The following DISC1 variants were observed in gnomAD, a reference collection of about 807,000 sequenced individuals.
DISC1 encodes disrupted in schizophrenia 1 protein.
Under a neutral mutation model 84.5 loss-of-function variants are expected in DISC1, and 57 were observed. The ratio of observed to expected loss-of-function variants is 0.67; its 90% CI spans 0.55 to 0.84. The LOEUF (loss-of-function observed/expected upper bound fraction) is 0.84, where lower values mean the gene tolerates loss of function less well. DISC1 is among the 40% of genes least tolerant of loss of function. DISC1 has a pLI of 0.00. For synonymous variants in DISC1, 411 were observed against 415.2 expected (o/e 0.99, Z 0.12); for missense variants, 1,000 against 1,057.8 (o/e 0.95, Z 0.76).
Position 231,693,890 on chromosome 1 carries a change from C to G in DISC1, c.132C>G (p.Gly44=). The change falls in exon 2 of 13, where the codon GGC becomes GGG. Residue 44 remains glycine, a synonymous_variant. Transcript: ENST00000439617. ...FRRRRLARRP[G]YMRSSTGPGI... ...GGCGGCGGCTGGCACGGAGGCCGGG[C>G]TACATGAGAAGCTCGACAGGGCCTG... 1 of 1,614,170 alleles carries G rather than the reference C, an allele frequency of 6.2e-7. No individual in the cohort carries two copies. The highest frequency in any genetic ancestry group is 8.5e-7 in the Non-Finnish European group (1 of 1,180,016).
At chr1:231,742,571 G>A (rs377227060) in intron 3 of DISC1, among the ~76,000 whole-genome samples, 2 of 152,212 alleles carry the variant, frequency 1.3e-5, no homozygotes, top group African/African-American at 4.8e-5. Context: ...CCAGGAGTTT[G>A]TGATCAGCCT....
intron 11 of DISC1, among the ~76,000 whole-genome samples, chr1:232,011,226 A>G (rs1667992552): frequency 6.6e-6 from 1 of 152,140 alleles, no homozygotes; most frequent in Non-Finnish European, 1.5e-5. Flanking sequence ...ATATTTGTTG[A>G]AAAATAGGAA....
intron 9 of DISC1, among the ~76,000 whole-genome samples, chr1:231,888,738 CAAAAAAAAA>C (rs34003319): frequency 0.03 from 1,605 of 54,084 alleles, 22 homozygotes; most frequent in Middle Eastern, 0.096. Context: ...GCTCTGTCTC[CAAAAAAAAA>C]AAAAAAAAAA....
Position 231,950,865 on chromosome 1 carries a change from C to T in DISC1, c.1982-7963C>T, listed in dbSNP as rs570531010. Among the ~76,000 whole-genome samples, 15 of 152,286 alleles carry T rather than the reference C, an allele frequency of 9.8e-5. No homozygotes were observed. The South Asian group carries it at 1.7e-3, about 17-fold the overall frequency. Reference sequence around the variant, plus strand: ...TCCTTCATCCTGCCCACTCTCCCTTCCTGTCTAAGCAAGGAGCTGTGTCTA... The same window carrying T: ...TCCTTCATCCTGCCCACTCTCCCTTTCTGTCTAAGCAAGGAGCTGTGTCTA... On this transcript the variant is annotated intron_variant, in intron 9 of 12. Transcript: ENST00000439617.
At chr1:231,744,733 A>C (rs2073771256) in intron 3 of DISC1, among the ~76,000 whole-genome samples, 1 of 152,228 alleles carries the variant, frequency 6.6e-6, no homozygotes, top group Non-Finnish European at 1.5e-5. Context: ...GATCAGTCTT[A>C]CCTGCATTTT....
intron 11 of DISC1, among the ~76,000 whole-genome samples, chr1:232,011,055 C>G (rs1382644805): frequency 6.6e-6 from 1 of 152,144 alleles, no homozygotes; most frequent in Non-Finnish European, 1.5e-5. Flanking sequence ...CCCCATCACT[C>G]TCTCCCTCCC....
chr1:231,927,815 C>A (rs888937967), intron 9 of DISC1, among the ~76,000 whole-genome samples: 1 of 152,200 alleles, frequency 6.6e-6, no homozygotes, highest in Non-Finnish European at 1.5e-5. Context: ...TTGATCAGGA[C>A]CTTTTCGGAG....
chr1:231,851,782 C>T (rs916104265), intron 9 of DISC1, among the ~76,000 whole-genome samples: 8 of 152,118 alleles, frequency 5.3e-5, no homozygotes, highest in East Asian at 1.9e-4. Flanking sequence ...CATGGGCCGG[C>T]GGAAGAATGA....
At chr1:231,748,062 A>T (rs1220155651) in intron 3 of DISC1, among the ~76,000 whole-genome samples, 1 of 152,146 alleles carries the variant, frequency 6.6e-6, no homozygotes, top group Non-Finnish European at 1.5e-5. Flanking sequence ...TAGAAATGCC[A>T]CTGGTTTTTG....
At chr1:231,753,770 T>A (rs1223044249) in intron 4 of DISC1, among the ~76,000 whole-genome samples, 1 of 152,224 alleles carries the variant, frequency 6.6e-6, no homozygotes, top group African/African-American at 2.4e-5. Flanking sequence ...AAACTTTAGG[T>A]CATTTATTTG....
At chr1:231,814,480 C>T (rs2080687671) in intron 8 of DISC1, among the ~76,000 whole-genome samples, 1 of 152,088 alleles carries the variant, frequency 6.6e-6, no homozygotes, top group Non-Finnish European at 1.5e-5. Flanking sequence ...AATCACATAT[C>T]ACTCATTAAA....
chr1:231,925,533 A>G (rs187066453), intron 9 of DISC1, among the ~76,000 whole-genome samples: 67 of 152,306 alleles, frequency 4.4e-4, no homozygotes, highest in Admixed American at 3.8e-3. Context: ...AACACATGTA[A>G]CATGCCTCCT....
chr1:231,959,291 G>C (rs937952736), intron 10 of DISC1: 2 of 986,410 alleles, frequency 2.0e-6, no homozygotes, highest in African/African-American at 1.7e-5. Context: ...CACGTCTTAG[G>C]TTCTGTTTTG....
chr1:231,821,421 C>T (rs200185977), intron 9 of DISC1, among the ~76,000 whole-genome samples: 3 of 152,198 alleles, frequency 2.0e-5, no homozygotes, highest in Non-Finnish European at 4.4e-5. Flanking sequence ...AGACAGACCT[C>T]ATCACCGAAT....
intron 6 of DISC1, among the ~76,000 whole-genome samples, chr1:231,790,444 G>C (rs1321628076): frequency 6.6e-6 from 1 of 152,068 alleles, no homozygotes; most frequent in Non-Finnish European, 1.5e-5. Flanking sequence ...TTGGCTTGCA[G>C]ACAGCTGTCT....
At chr1:231,801,497 A>T (rs1265490918) in intron 8 of DISC1, among the ~76,000 whole-genome samples, 1 of 152,222 alleles carries the variant, frequency 6.6e-6, no homozygotes, top group Non-Finnish European at 1.5e-5. Flanking sequence ...CGTATGGCGC[A>T]GGTTTCCTGT....
At chr1:231,773,802 C>T (rs2076745926) in intron 6 of DISC1, among the ~76,000 whole-genome samples, 1 of 152,142 alleles carries the variant, frequency 6.6e-6, no homozygotes, top group Admixed American at 6.5e-5. Context: ...CTGTGGGGTC[C>T]TCTGGGAGAA....
intron 1 of DISC1, among the ~76,000 whole-genome samples, chr1:231,665,311 T>TG (rs1338363246): frequency 1.3e-5 from 2 of 152,142 alleles, no homozygotes; most frequent in Non-Finnish European, 2.9e-5. Context: ...TCTCACATTT[T>TG]TTTTTGTGTT....
At chr1:231,766,302 A>AAC (rs532234245) in intron 4 of DISC1, among the ~76,000 whole-genome samples, 7 of 150,520 alleles carry the variant, frequency 4.7e-5, no homozygotes, top group Non-Finnish European at 7.4e-5. Context: ...AAAAAAAAAA[A>AAC]AAAAACAAAA....
Sources: allele counts gnomAD v4.1 joint callset (sites outside exome capture counted in the v4.1 genomes callset), GRCh38; gene constraint gnomAD v4.1.1; transcripts MANE v1.5; gene names NCBI Gene and HGNC (gene_info 2026-07-23, HGNC 2026-07-21).